POGLUT3: variants seen among roughly 807,000 people sequenced by gnomAD.
The protein encoded by POGLUT3 is KDEL (Lys-Asp-Glu-Leu) containing 2.
POGLUT3 carries 48 observed loss-of-function variants against 54.3 expected under a neutral mutation model. The observed-to-expected ratio is 0.88, with a 90% CI of 0.70 to 1.12. The LOEUF (loss-of-function observed/expected upper bound fraction) is 1.12. Among genes scored for constraint, POGLUT3 ranks in the 50% most tolerant of loss-of-function variants. The pLI is 0.00. For missense variants in POGLUT3, 629 were observed against 618.7 expected (o/e 1.02, Z -0.18); for synonymous variants, 218 against 237.4 (o/e 0.92, Z 0.75).
Position 108,482,038 on chromosome 11 carries a change from G to T in POGLUT3, c.869C>A (p.Thr290Lys), listed in dbSNP as rs765632026. The change falls in exon 4 of 8, where the codon ACA (threonine) becomes AAA (lysine). Residue 290 changes from threonine to lysine, a missense_variant. Thr to Lys is a moderately conservative substitution (Grantham distance 78, BLOSUM62 -1). Transcript: ENST00000323468. Reference protein sequence around the residue: ...HSMLEAMRGVTNDLLSIQGNT... With the variant: ...HSMLEAMRGVKNDLLSIQGNT... ...TCCCTGAATAGAGAGGAGATCATTT[G>T]TAACACCCCGCATGGCTTCAAGCAT... 6.8e-6 allele frequency: 11 copies of T among 1,613,850 alleles called. No homozygotes were observed. The highest frequency in any genetic ancestry group is 1.7e-5 in the Admixed American group (1 of 59,976).
intron 3 of POGLUT3, among the ~76,000 whole-genome samples, chr11:108,485,544 C>T (rs1484521748): frequency 2.0e-5 from 3 of 152,028 alleles, no homozygotes; most frequent in African/African-American, 4.8e-5. Context: ...TAAGAAGTAA[C>T]CTTGTTATAA....
In POGLUT3 at chr11:108,498,266, A is replaced by T. The variant is rs1327132024; in HGVS notation, c.101T>A (p.Val34Glu). 1 of 1,496,820 alleles carries T rather than the reference A, an allele frequency of 6.7e-7. No individual in the cohort carries two copies. The highest frequency in any genetic ancestry group is 8.9e-7 in the Non-Finnish European group (1 of 1,123,348). The allele number at this position is 1,496,820 out of a possible 1,614,324, so 92.7% of individuals were successfully genotyped here. Residue 34 changes from valine (V) to glutamate (E), a missense_variant, in exon 1 of 8, where the codon GTG becomes GAG. Physicochemically the swap from Val to Glu is moderately radical, Grantham distance 121. Coordinates refer to ENST00000323468, the MANE Select transcript of POGLUT3 (RefSeq NM_153705.5). ...GGCCGCCTGCAGCCCGGGCCCCCACACCAGGCTCCGCGGCGCGCTGACCAG... is the reference window on the plus strand; with the variant it reads ...GGCCGCCTGCAGCCCGGGCCCCCACTCCAGGCTCCGCGGCGCGCTGACCAG... ...EVLVSAPRSL[V>E]WGPGLQAAVV... is the part of the protein sequence containing the mutation.
chr11:108,490,932 A>G, intron 2 of POGLUT3, 38 bp downstream of exon 2: 1 of 1,544,362 alleles, frequency 6.5e-7, no homozygotes, highest in Non-Finnish European at 8.9e-7. Context: ...TGGGACCTAC[A>G]CACAAGGCTG....
chr11:108,481,314 TCTC>T lies in POGLUT3; in HGVS notation c.961_963del (p.Glu321del). The T allele has an allele frequency of 6.2e-7, 1 of 1,612,654 alleles. No individual in the cohort carries two copies. Among genetic ancestry groups the T allele is most frequent in the East Asian group, 2.2e-5 (1 of 44,816 alleles). ...TTGGACAGCTGTACCAACTGGAGCCTCTCCTCTCGGCTGTCTCTACCTCTGAAG... is the reference window on the plus strand; with the variant it reads ...TTGGACAGCTGTACCAACTGGAGCCTCTCTCGGCTGTCTCTACCTCTGAAG... On this transcript the variant is annotated inframe_deletion, in exon 5 of 8. Coordinates refer to ENST00000323468, the MANE Select transcript of POGLUT3 (RefSeq NM_153705.5).
rs201124629 is a variant in POGLUT3, at chr11:108,491,123, C to T, written c.247G>A (p.Glu83Lys). ...KVVVKSLSPK[E>K]LVRIHVPKPL... The stretch of plus-strand genomic sequence containing the variant: ...TTAGGGACATGTATCCGGACCAACT[C>T]TTTAGGTGAAAGAGATTTGACTACG... Residue 83 changes from glutamate to lysine, a missense_variant, in exon 2 of 8, where the codon GAG becomes AAG. Transcript: ENST00000323468. 647 of 1,612,420 alleles carry T rather than the reference C, an allele frequency of 4.0e-4. No homozygotes were observed. Among genetic ancestry groups the T allele is most frequent in the Non-Finnish European group, 5.4e-4 (635 of 1,179,190 alleles).
chr11:108,493,190 G>T (rs1294710210), intron 1 of POGLUT3, among the ~76,000 whole-genome samples: 1 of 152,114 alleles, frequency 6.6e-6, no homozygotes, highest in Non-Finnish European at 1.5e-5. Context: ...AATTATGGTC[G>T]CTTCCAGTTG....
intron 7 of POGLUT3, among the ~76,000 whole-genome samples, chr11:108,477,151 A>G (rs2135844596): frequency 6.6e-6 from 1 of 152,188 alleles, no homozygotes; most frequent in South Asian, 2.1e-4. Flanking sequence ...CCTGTATCCC[A>G]GCACTTCAGG....
chr11:108,486,200 A>C lies in POGLUT3; in HGVS notation c.641T>G (p.Phe214Cys). Residue 214 changes from phenylalanine (F) to cysteine (C), a missense_variant, in exon 3 of 8, where the codon TTC becomes TGC. Coordinates refer to ENST00000323468, the MANE Select transcript of POGLUT3 (RefSeq NM_153705.5). Reference sequence around the variant, plus strand: ...CAAAATCTCATCAGAGAACATCTTGAAGTCTGTGTATTTCCCTAAAGATCT... The same window carrying C: ...CAAAATCTCATCAGAGAACATCTTGCAGTCTGTGTATTTCCCTAAAGATCT... The part of the protein sequence containing the change: ...YRRSLGKYTD[F>C]KMFSDEILLS... The C allele has an allele frequency of 6.2e-7, 1 of 1,613,530 alleles. No individual in the cohort carries two copies. The highest frequency in any genetic ancestry group is 8.5e-7 in the Non-Finnish European group (1 of 1,179,530).
rs2093577674 is a variant in POGLUT3, at chr11:108,474,933, G to C, written c.1418C>G (p.Ser473Cys). 6.2e-7 allele frequency: 1 copy of C among 1,613,986 alleles called. No homozygotes were observed. Among genetic ancestry groups the C allele is most frequent in the Non-Finnish European group, 8.5e-7 (1 of 1,179,968 alleles). ...TCCATCACGTACTTCGGGTTTGCTG[G>C]ACTGGCGCTCGGCATATTTCTGAAA... ...QVLQKYAERQ[S>C]SKPEVRDGME... The change falls in exon 8 of 8, where the codon TCC (serine) becomes TGC (cysteine). Residue 473 changes from serine to cysteine, a missense_variant. Ser to Cys is a moderately radical substitution (Grantham distance 112, BLOSUM62 -1). Transcript: ENST00000323468.
chr11:108,484,924 A>G (rs2135854866), intron 3 of POGLUT3, among the ~76,000 whole-genome samples: 1 of 152,226 alleles, frequency 6.6e-6, no homozygotes, highest in Non-Finnish European at 1.5e-5. Flanking sequence ...GCAAATGTGG[A>G]AAGAGAGGCT....
intron 1 of POGLUT3, among the ~76,000 whole-genome samples, chr11:108,497,364 A>C (rs2093623987): frequency 6.6e-6 from 1 of 152,226 alleles, no homozygotes; most frequent in Non-Finnish European, 1.5e-5. Flanking sequence ...TCCCAGCTGG[A>C]CTAGCAGGGG....
In POGLUT3 at chr11:108,474,920, T is replaced by A. The variant is rs1408950528; in HGVS notation, c.1431A>T (p.Glu477Asp). ...KYAERQSSKP[E>D]VRDGMELVPQ... ...GAACAAGTTCCATTCCATCACGTAC[T>A]TCGGGTTTGCTGGACTGGCGCTCGG... The change falls in exon 8 of 8, where the codon GAA (glutamate) becomes GAT (aspartate). Residue 477 changes from glutamate (E) to aspartate (D), a missense_variant. Physicochemically the swap from Glu to Asp is conservative, Grantham distance 45. Coordinates refer to ENST00000323468, the MANE Select transcript of POGLUT3 (RefSeq NM_153705.5). 1.9e-6 allele frequency: 3 copies of A among 1,614,080 alleles called. No individual in the cohort carries two copies. In the South Asian group the frequency reaches 3.3e-5, roughly 18 times the overall value.
Position 108,481,378 on chromosome 11 carries a change from T to G in POGLUT3, c.902-2A>C, listed in dbSNP as rs746608530. ...CTGTTTTATTGATCCAGGAAGGCCCTACAAGTTTGAAGCCATAAAAAAATT... is the reference window on the plus strand; with the variant it reads ...CTGTTTTATTGATCCAGGAAGGCCCGACAAGTTTGAAGCCATAAAAAAATT... On this transcript the variant is annotated splice_acceptor_variant, in intron 4 of 7. Transcript: ENST00000323468. LOFTEE classifies it high-confidence loss of function. 6.4e-7 allele frequency: 1 copy of G among 1,560,212 alleles called. No homozygotes were observed. The highest frequency in any genetic ancestry group is 2.2e-5 in the Admixed American group (1 of 45,222).
intron 1 of POGLUT3, among the ~76,000 whole-genome samples, chr11:108,497,161 C>T (rs559586687): frequency 2.0e-5 from 3 of 152,346 alleles, no homozygotes; most frequent in Non-Finnish European, 4.4e-5. Flanking sequence ...ATTGTCTTTT[C>T]ATCCTTAGAT....
intron 1 of POGLUT3, chr11:108,491,439 C>T: frequency 3.6e-6 from 2 of 556,760 alleles, no homozygotes; most frequent in Non-Finnish European, 3.2e-6. Flanking sequence ...ATTACAGCTC[C>T]AACCTCCTGG....
intron 2 of POGLUT3, among the ~76,000 whole-genome samples, chr11:108,488,447 T>C (rs941917453): frequency 3.9e-5 from 6 of 152,070 alleles, no homozygotes; most frequent in African/African-American, 1.4e-4. Context: ...AGCTTTGAGG[T>C]TGTAGTACAG....
chr11:108,497,775 C>T (rs1243667431), intron 1 of POGLUT3, among the ~76,000 whole-genome samples: 1 of 152,200 alleles, frequency 6.6e-6, no homozygotes, highest in African/African-American at 2.4e-5. Flanking sequence ...TGTAATCCGA[C>T]GCGATCCGTC....
At chr11:108,493,480 A>G (rs763769850) in intron 1 of POGLUT3, among the ~76,000 whole-genome samples, 25 of 152,226 alleles carry the variant, frequency 1.6e-4, no homozygotes, top group Non-Finnish European at 2.4e-4. Flanking sequence ...GAAAATTCTC[A>G]TTAGCTCTGG....
At chr11:108,481,871 C>G in intron 4 of POGLUT3, 135 bp downstream of exon 4, 1 of 635,296 alleles carries the variant, frequency 1.6e-6, no homozygotes, top group South Asian at 2.4e-5. Context: ...ATCCACAAAT[C>G]TTTAATCCCT....
Sources: gnomAD v4.1 joint callset for allele counts (sites outside exome capture counted in the v4.1 genomes callset) on GRCh38, gnomAD v4.1.1 for gene constraint, MANE v1.5 for transcripts, NCBI Gene and HGNC (gene_info 2026-07-23, HGNC 2026-07-21) for gene names.